MAML3: variants seen among roughly 807,000 people sequenced by gnomAD.
The protein encoded by MAML3 is mastermind like transcriptional coactivator 3, also known as mastermind-like protein 3.
Under a neutral mutation model 101.9 loss-of-function variants are expected in MAML3, and 27 were observed. The ratio of observed to expected loss-of-function variants is 0.27; its 90% CI spans 0.20 to 0.37. The LOEUF (loss-of-function observed/expected upper bound fraction) is 0.37, where lower values mean the gene tolerates loss of function less well. MAML3 is among the 10% of genes least tolerant of loss of function. The pLI is 1.00. For synonymous variants in MAML3, 501 were observed against 555.9 expected (o/e 0.90, Z 1.39); for missense variants, 1,316 against 1,444.9 (o/e 0.91, Z 1.45).
chr4:140,055,516 C>A (rs1191637658), intron 1 of MAML3, among the ~76,000 whole-genome samples: 1 of 152,202 alleles, frequency 6.6e-6, no homozygotes, highest in Non-Finnish European at 1.5e-5. Context: ...ACATGTAAAT[C>A]ATAAATACAT....
intron 2 of MAML3, among the ~76,000 whole-genome samples, chr4:139,846,309 G>A (rs1731445328): frequency 6.6e-6 from 1 of 151,870 alleles, no homozygotes; most frequent in Admixed American, 6.6e-5. Flanking sequence ...ACTAATAATA[G>A]TTTAAATATT....
chr4:139,895,584 A>G (rs1732592093), intron 1 of MAML3, among the ~76,000 whole-genome samples: 1 of 152,242 alleles, frequency 6.6e-6, no homozygotes, highest in Non-Finnish European at 1.5e-5. Context: ...TTCAAAATTC[A>G]GTGATACAAA....
chr4:139,835,670 T>C (rs183167277), intron 2 of MAML3, among the ~76,000 whole-genome samples: 41 of 152,318 alleles, frequency 2.7e-4, no homozygotes, highest in African/African-American at 9.1e-4. Context: ...CCTATGGTCA[T>C]TGAGGCTAAA....
At chr4:139,811,744 T>C (rs7666951) in intron 2 of MAML3, among the ~76,000 whole-genome samples, 15,333 of 152,210 alleles carry the variant, frequency 0.1, 977 homozygotes, top group African/African-American at 0.16. Context: ...TCTACTTTAC[T>C]TCTCACACTC....
chr4:139,812,942 T>A (rs10008794), intron 2 of MAML3, among the ~76,000 whole-genome samples: 3,819 of 113,964 alleles, frequency 0.034, 177 homozygotes, highest in African/African-American at 0.12. Flanking sequence ...ACAGAACATT[T>A]AAAAAATCTC....
intron 1 of MAML3, among the ~76,000 whole-genome samples, chr4:140,040,806 A>G (rs1009688184): frequency 3.3e-5 from 5 of 152,184 alleles, no homozygotes; most frequent in African/African-American, 1.2e-4. Flanking sequence ...ATTATGCATA[A>G]TAATAGTCTC....
intron 1 of MAML3, chr4:140,132,993 A>G (rs1262940005): frequency 1.3e-5 from 5 of 389,048 alleles, no homozygotes; most frequent in Non-Finnish European, 2.0e-5. Context: ...AGTGCTGACT[A>G]TAAGTACTAT....
At chr4:139,901,185 A>G (rs1271476911) in intron 1 of MAML3, among the ~76,000 whole-genome samples, 1 of 152,194 alleles carries the variant, frequency 6.6e-6, no homozygotes, top group African/African-American at 2.4e-5. Flanking sequence ...CTTCCTCTAC[A>G]AGGAAAGATG....
At chr4:139,916,917 A>G (rs547046718) in intron 1 of MAML3, among the ~76,000 whole-genome samples, 2 of 152,324 alleles carry the variant, frequency 1.3e-5, no homozygotes, top group East Asian at 1.9e-4. Context: ...GTACAATACC[A>G]TAATAAAATA....
intron 1 of MAML3, among the ~76,000 whole-genome samples, chr4:140,099,182 T>C (rs1033607566): frequency 1.3e-5 from 2 of 151,904 alleles, no homozygotes; most frequent in African/African-American, 4.8e-5. Context: ...AGACACTAGC[T>C]AAAAACTTTT....
intron 1 of MAML3, among the ~76,000 whole-genome samples, chr4:139,993,405 C>A: frequency 6.6e-6 from 1 of 151,344 alleles, no homozygotes; most frequent in South Asian, 2.1e-4. Flanking sequence ...TACATAGATA[C>A]ATTCTGGATA....
rs1206740925 is a variant in MAML3, at chr4:139,981,364, C to T, written c.469-90397G>A. On this transcript the variant is annotated intron_variant, in intron 1 of 4. Coordinates refer to ENST00000509479, the MANE Select transcript of MAML3 (RefSeq NM_018717.5). ...GCAAGTATGGTTCTATTCTGAGGTA[C>T]TAGGGCTTTAGAATTCAACATATGA... Among the ~76,000 whole-genome samples the T allele has an allele frequency of 2.0e-5, 3 of 152,164 alleles. No individual in the cohort carries two copies. In the East Asian group the frequency reaches 5.8e-4, roughly 29 times the overall value.
At chr4:140,120,353 CAAA>C (rs1728588277) in intron 1 of MAML3, among the ~76,000 whole-genome samples, 2 of 151,282 alleles carry the variant, frequency 1.3e-5, no homozygotes, top group South Asian at 4.2e-4. Flanking sequence ...ATACCATATA[CAAA>C]AAGCTAGATG....
chr4:139,986,819 G>T (rs1734548347), intron 1 of MAML3, among the ~76,000 whole-genome samples: 1 of 152,174 alleles, frequency 6.6e-6, no homozygotes, highest in Admixed American at 6.5e-5. Flanking sequence ...ACACAAAGCA[G>T]CCATCGGCAA....
chr4:140,004,818 C>T (rs975387717), intron 1 of MAML3, among the ~76,000 whole-genome samples: 2 of 151,948 alleles, frequency 1.3e-5, no homozygotes, highest in Admixed American at 6.5e-5. Flanking sequence ...ATTTCCTAGC[C>T]GAAAGGAGGG....
intron 2 of MAML3, among the ~76,000 whole-genome samples, chr4:139,883,552 G>A (rs1158742303): frequency 6.6e-6 from 1 of 152,168 alleles, no homozygotes; most frequent in Non-Finnish European, 1.5e-5. Context: ...GAGAGAGACT[G>A]TGTGTGGGGG....
At chr4:140,011,112 A>AGT (rs1553968762) in intron 1 of MAML3, among the ~76,000 whole-genome samples, 14 of 119,992 alleles carry the variant, frequency 1.2e-4, no homozygotes, top group African/African-American at 3.9e-4. Flanking sequence ...AAAAAAAAAA[A>AGT]GTGTGTGTGT....
chr4:139,824,971 C>T (rs754665334), intron 2 of MAML3, among the ~76,000 whole-genome samples: 2 of 151,966 alleles, frequency 1.3e-5, no homozygotes, highest in African/African-American at 4.8e-5. Flanking sequence ...TGAAAAGGTA[C>T]GTCTTCAACA....
rs147766965 is a variant in MAML3, at chr4:139,789,248, G to A, written c.2080-58581C>T. Among the ~76,000 whole-genome samples the A allele has an allele frequency of 2.4e-3, 359 of 152,274 alleles. 1 individual carries two copies. Among genetic ancestry groups the A allele is most frequent in the African/African-American group, 8.4e-3 (350 of 41,558 alleles). ...TAATCACTAAGCTGATAATAACACA[G>A]GCAGAATGTGGCAAGCATCTTAAAA... On this transcript the variant is annotated intron_variant, in intron 2 of 4. Transcript: ENST00000509479.
Sources: gnomAD v4.1 joint callset for allele counts (sites outside exome capture counted in the v4.1 genomes callset) on GRCh38, gnomAD v4.1.1 for gene constraint, MANE v1.5 for transcripts, NCBI Gene and HGNC (gene_info 2026-07-23, HGNC 2026-07-21) for gene names.